ABCG2: variants seen among roughly 807,000 people sequenced by gnomAD.
ABCG2 encodes broad substrate specificity ATP-binding cassette transporter ABCG2.
ABCG2 carries 80 observed loss-of-function variants against 73.5 expected under a neutral mutation model. That is an observed-to-expected ratio of 1.09 (90% CI 0.91 to 1.31). The LOEUF (loss-of-function observed/expected upper bound fraction) is 1.31, where lower values mean the gene tolerates loss of function less well. Ranked by LOEUF, ABCG2 falls within the 50% of genes most tolerant of loss-of-function variation. ABCG2 has a pLI of 0.00. For synonymous variants in ABCG2, 269 were observed against 282.4 expected (o/e 0.95, Z 0.48); for missense variants, 796 against 786.2 (o/e 1.01, Z -0.15).
chr4:88,133,308 G>T (rs1232369004), intron 2 of ABCG2, among the ~76,000 whole-genome samples: 1 of 152,022 alleles, frequency 6.6e-6, no homozygotes, highest in East Asian at 1.9e-4. Context: ...AAACATCTAA[G>T]TAGAAATCGA....
rs748531218 is a variant in ABCG2 at position 88,092,343 on chromosome 4, T to C, written c.1859A>G (p.Asp620Gly). The C allele has an allele frequency of 9.9e-6, 16 of 1,613,322 alleles. No individual in the cohort carries two copies. The East Asian group carries it at 3.6e-4, about 36-fold the overall frequency. ...GEEYLVKQGI[D>G]LSPWGLWKNH... is the part of the protein sequence containing the mutation. ...CTTCCACAAGCCCCAGGGTGAGAGA[T>C]CGATGCCCTGCTTTACCAAATATTC... is the stretch of plus-strand genomic sequence containing the variant. Residue 620 changes from aspartate (D) to glycine (G), a missense_variant, in exon 16 of 16, where the codon GAT becomes GGT. Coordinates refer to ENST00000237612, the MANE Select transcript of ABCG2 (RefSeq NM_004827.3).
At chr4:88,134,758 AAAC>A (rs1044256065) in intron 2 of ABCG2, among the ~76,000 whole-genome samples, 3 of 152,228 alleles carry the variant, frequency 2.0e-5, no homozygotes, top group Admixed American at 6.5e-5. Context: ...GCATTACAGA[AAAC>A]AACAACAATG....
intron 1 of ABCG2, among the ~76,000 whole-genome samples, chr4:88,204,050 C>A (rs1729285744): frequency 6.6e-6 from 1 of 152,078 alleles, no homozygotes; most frequent in Non-Finnish European, 1.5e-5. Flanking sequence ...TTTCCTCTTC[C>A]ATTTCTCTAG....
chr4:88,118,175 A>G lies in ABCG2; in HGVS notation c.775T>C (p.Leu259=). 1 of 1,614,198 alleles carries G rather than the reference A, an allele frequency of 6.2e-7. No homozygotes were observed. Among genetic ancestry groups the G allele is most frequent in the Middle Eastern group, 1.6e-4 (1 of 6,062 alleles). The change falls in exon 7 of 16, where the codon TTG becomes CTG. Residue 259 remains leucine, a synonymous_variant. Coordinates refer to ENST00000237612, the MANE Select transcript of ABCG2 (RefSeq NM_004827.3). ...IFKLFDSLTL[L]ASGRLMFHGP... The stretch of plus-strand genomic sequence containing the variant: ...TGGAACATAAGTCTTCCTGAGGCCA[A>G]TAAGGTGAGGCTATCAAACAACTTG...
In ABCG2 at chr4:88,167,370, C is replaced by CTTT. The variant is rs551648302; in HGVS notation, c.-19-27359_-19-27357dup. On this transcript the variant is annotated intron_variant, in intron 1 of 15. Transcript: ENST00000515655. ...CTTTGAACCCAACTGTCCCTTCTGC[C>CTTT]TTTTTTTTTTTTTTTTTTTTTGAGA... Among the ~76,000 whole-genome samples the CTTT allele has an allele frequency of 8.5e-4, 86 of 101,450 alleles. 4 individuals are homozygous for CTTT. The highest frequency in any genetic ancestry group is 1.1e-3 in the African/African-American group (27 of 25,204). 66.6% of individuals were successfully genotyped at this position (101,450 alleles called of 152,430 possible). A position where few individuals can be genotyped will look rare whatever the true frequency, so the allele number is the denominator to read the frequency against.
chr4:88,094,986 C>T (rs2110172039), intron 14 of ABCG2, among the ~76,000 whole-genome samples: 1 of 152,296 alleles, frequency 6.6e-6, no homozygotes, highest in African/African-American at 2.4e-5. Flanking sequence ...TACAGTGGTG[C>T]TCAATGAGTA....
chr4:88,111,265 C>T (rs145404381), intron 9 of ABCG2, among the ~76,000 whole-genome samples: 1 of 152,310 alleles, frequency 6.6e-6, no homozygotes, highest in African/African-American at 2.4e-5. Flanking sequence ...TCACTGTTGA[C>T]AATAAGTAAC....
chr4:88,135,167 C>T (rs1451409875), intron 2 of ABCG2, among the ~76,000 whole-genome samples: 1 of 152,200 alleles, frequency 6.6e-6, no homozygotes, highest in Non-Finnish European at 1.5e-5. Flanking sequence ...CTATGGTCTA[C>T]AATTCACTGG....
At chr4:88,092,448 C>T (rs1344144881) in intron 15 of ABCG2, 67 bp from the exon 16 acceptor site, 8 of 1,522,740 alleles carry the variant, frequency 5.3e-6, no homozygotes, top group Admixed American at 2.1e-5. Context: ...TCAGTATATC[C>T]ACTGTTCCTT....
Position 88,113,947 on chromosome 4 carries a change from G to A in ABCG2, c.944-394C>T, listed in dbSNP as rs144435575. On this transcript the variant is annotated intron_variant, in intron 8 of 15. Coordinates refer to ENST00000237612, the MANE Select transcript of ABCG2 (RefSeq NM_004827.3). Reference sequence around the variant, plus strand: ...CCACTGCACTCCAGCCTGTGCAAGAGAGCAAGACTCCATCTCAAAAAAGAA... The same window carrying A: ...CCACTGCACTCCAGCCTGTGCAAGAAAGCAAGACTCCATCTCAAAAAAGAA... Among the ~76,000 whole-genome samples the A allele has an allele frequency of 3.4e-3, 513 of 151,988 alleles. 2 individuals are homozygous for A. The highest frequency in any genetic ancestry group is 0.012 in the African/African-American group (481 of 41,436).
intron 13 of ABCG2, among the ~76,000 whole-genome samples, chr4:88,095,897 T>C (rs1721952648): frequency 6.6e-6 from 1 of 152,214 alleles, no homozygotes; most frequent in East Asian, 1.9e-4. Context: ...GACTATGTAC[T>C]CAACTTTATT....
At chr4:88,187,286 A>T (rs188810944) in intron 1 of ABCG2, among the ~76,000 whole-genome samples, 166 of 152,148 alleles carry the variant, frequency 1.1e-3, no homozygotes, top group Non-Finnish European at 1.8e-3. Flanking sequence ...AATAACTAAA[A>T]AAATATAATT....
intron 1 of ABCG2, among the ~76,000 whole-genome samples, chr4:88,157,540 C>T (rs1727027869): frequency 6.6e-6 from 1 of 152,072 alleles, no homozygotes; most frequent in Non-Finnish European, 1.5e-5. Flanking sequence ...TTTTCAGTAA[C>T]TCTCAAATTA....
chr4:88,178,664 C>T (rs1728103889), intron 1 of ABCG2, among the ~76,000 whole-genome samples: 1 of 152,146 alleles, frequency 6.6e-6, no homozygotes, highest in Non-Finnish European at 1.5e-5. Context: ...ATTTCGGGAC[C>T]TGCCCTAAGC....
chr4:88,154,591 T>C (rs937478173), intron 1 of ABCG2, among the ~76,000 whole-genome samples: 13 of 152,002 alleles, frequency 8.6e-5, no homozygotes, highest in African/African-American at 3.1e-4. Flanking sequence ...GTAAACCAAG[T>C]GTTCAGGGTG....
At chr4:88,152,806 G>A (rs1020115606) in intron 1 of ABCG2, among the ~76,000 whole-genome samples, 60 of 152,176 alleles carry the variant, frequency 3.9e-4, no homozygotes, top group African/African-American at 1.3e-3. Context: ...TTTTTGGGGG[G>A]TGGTATGGAG....
At chr4:88,159,131 C>T (rs1464809089), upstream of ABCG2, 1 of 456,290 alleles carries the variant, frequency 2.2e-6, no homozygotes, top group Non-Finnish European at 4.4e-6. Context: ...ACACTCCCGC[C>T]TCCGGGATCG....
At chr4:88,225,243 C>T (rs114377833) in intron 1 of ABCG2, among the ~76,000 whole-genome samples, 90 of 152,168 alleles carry the variant, frequency 5.9e-4, no homozygotes, top group African/African-American at 2.1e-3. Context: ...TCTACTCTGC[C>T]GTTATAGCAC....
chr4:88,178,571 G>A (rs143866784), intron 1 of ABCG2, among the ~76,000 whole-genome samples: 7 of 152,288 alleles, frequency 4.6e-5, no homozygotes, highest in African/African-American at 1.4e-4. Context: ...GTCTTGCAGC[G>A]TAGGTACCAG....
Sources: gnomAD v4.1 joint callset for allele counts (sites outside exome capture counted in the v4.1 genomes callset) on GRCh38, gnomAD v4.1.1 for gene constraint, MANE v1.5 for transcripts, NCBI Gene and HGNC (gene_info 2026-07-23, HGNC 2026-07-21) for gene names.